Variants in ZNF629 observed in about 807,000 individuals in gnomAD.
The protein encoded by ZNF629 is zinc finger protein 629.
In ZNF629, 9 loss-of-function variants were observed where a neutral mutation model predicts 59.7. The observed-to-expected ratio is 0.15, with a 90% confidence interval of 0.09 to 0.26. The LOEUF (loss-of-function observed/expected upper bound fraction) is 0.26, where lower values mean the gene tolerates loss of function less well. Among genes scored for constraint, ZNF629 ranks in the 10% least tolerant of loss-of-function variants. The pLI, the probability that ZNF629 is intolerant of heterozygous loss-of-function variation, is 1.00. For synonymous variants in ZNF629, 509 were observed against 498.9 expected, an observed-to-expected ratio of 1.02 and a Z score of -0.27; for missense variants, 853 against 1,165.4, an observed-to-expected ratio of 0.73 and a Z score of 3.90.
rs1047696899 is a variant in ZNF629 at position 30,786,715 on chromosome 16, C to T, written c.-34+313G>A. ...GCCTGGGCATCCGCCCCTGCCCCGG[C>T]CCCCGGGGTCCCGGCTCCTTCCAGC... On this transcript the variant is annotated intron_variant, in intron 1 of 2. Coordinates refer to ENST00000262525, the MANE Select transcript of ZNF629 (RefSeq NM_001080417.3). This position sits in a 1 kb window ranked among gnomAD's most constrained non-coding sequence, Gnocchi z 4.8. Among the ~76,000 whole-genome samples the T allele has an allele frequency of 2.3e-4, 35 of 152,050 alleles. No homozygotes were observed. Among genetic ancestry groups the T allele is most frequent in the Admixed American group, 1.4e-3 (21 of 15,298 alleles).
intron 1 of ZNF629, among the ~76,000 whole-genome samples, chr16:30,785,891 T>TAAATAAATAAAA (rs1034349260): frequency 3.3e-5 from 5 of 150,078 alleles, no homozygotes; most frequent in Admixed American, 6.6e-5. Flanking sequence ...AATAAATAAA[T>TAAATAAATAAAA]AAAAACAGCC....
Position 30,781,398 on chromosome 16 carries a change from C to T in ZNF629, c.*320G>A, listed in dbSNP as rs535141805. On this transcript the variant is annotated 3_prime_UTR_variant, in exon 3 of 3. Coordinates refer to ENST00000262525, the MANE Select transcript of ZNF629 (RefSeq NM_001080417.3). ...TTCAGAGACATATTGGGACCTCTTCCTACAATTAATAGGGCTTTTATCCAC... is the reference window on the plus strand; with the variant it reads ...TTCAGAGACATATTGGGACCTCTTCTTACAATTAATAGGGCTTTTATCCAC... 18 of 212,810 alleles carry T rather than the reference C, an allele frequency of 8.5e-5. No individual in the cohort carries two copies. The highest frequency in any genetic ancestry group is 1.2e-4 in the Non-Finnish European group (13 of 108,770). 13.2% of individuals were successfully genotyped at this position (212,810 alleles called of 1,614,324 possible).
rs765241373 is a variant in ZNF629 at position 30,781,696 on chromosome 16, G to T, written c.*22C>A. On this transcript the variant is annotated 3_prime_UTR_variant, in exon 3 of 3. Coordinates refer to ENST00000262525, the MANE Select transcript of ZNF629 (RefSeq NM_001080417.3). ...AGTGTTCCTCTCTGGAGAGAGCGAGGCCCCTGGTCTCCAGACCCATTTCAC... is the reference window on the plus strand; with the variant it reads ...AGTGTTCCTCTCTGGAGAGAGCGAGTCCCCTGGTCTCCAGACCCATTTCAC... 1 of 1,578,306 alleles carries T rather than the reference G, an allele frequency of 6.3e-7. No homozygotes were observed. The highest frequency in any genetic ancestry group is 8.6e-7 in the Non-Finnish European group (1 of 1,162,988).
In ZNF629 at chr16:30,782,159, A is replaced by T; in HGVS notation, c.2169T>A (p.Phe723Leu). The T allele has an allele frequency of 6.2e-7, 1 of 1,613,450 alleles. No individual in the cohort carries two copies. The highest frequency in any genetic ancestry group is 8.5e-7 in the Non-Finnish European group (1 of 1,179,850). The change falls in exon 3 of 3, where the codon TTT (phenylalanine) becomes TTA (leucine). Residue 723 changes from phenylalanine to leucine, a missense_variant. Physicochemically the swap from Phe to Leu is conservative, Grantham distance 22. This residue lies in a region of ZNF629 where 420 missense variants were observed against 435.6 expected (regional missense o/e 0.96). Coordinates refer to ENST00000262525, the MANE Select transcript of ZNF629 (RefSeq NM_001080417.3). ...PFKCPECKQS[F>L]GLSSELLLHQ... ...GCAGCAGCAGCTCAGAGCTGAGGCC[A>T]AAGCTTTGTTTGCATTCAGGGCATT...
chr16:30,783,192 C>G lies in ZNF629; in HGVS notation c.1136G>C (p.Cys379Ser). 6.2e-7 allele frequency: 1 copy of G among 1,613,292 alleles called. No homozygotes were observed. Among genetic ancestry groups the G allele is most frequent in the Non-Finnish European group, 8.5e-7 (1 of 1,179,700 alleles). Residue 379 changes from cysteine (C) to serine (S), a missense_variant, in exon 3 of 3, where the codon TGC becomes TCC. Physicochemically the swap from Cys to Ser is moderately radical, Grantham distance 112. Coordinates refer to ENST00000262525, the MANE Select transcript of ZNF629 (RefSeq NM_001080417.3). ...GGCGCTCAGGGTGAAGGTCTTGCCGCACACTGGGCACTTGAACGGGTCCTC... is the reference window on the plus strand; with the variant it reads ...GGCGCTCAGGGTGAAGGTCTTGCCGGACACTGGGCACTTGAACGGGTCCTC... Reference protein sequence around the residue: ...LREDPFKCPVCGKTFTLSATL... With the variant: ...LREDPFKCPVSGKTFTLSATL...
At position 30,786,499 on chromosome 16, in the gene ZNF629, G is replaced by C. The variant is rs964846381; in HGVS notation, c.-34+529C>G. Among the ~76,000 whole-genome samples the C allele has an allele frequency of 2.3e-4, 35 of 152,124 alleles. No individual in the cohort carries two copies. The highest frequency in any genetic ancestry group is 8.4e-4 in the African/African-American group (35 of 41,436). ...GCCCAGGCGCCAGGCACGCCAGCCTGAGACCTCGCGATGGCCCCACTGCAG... is the reference window on the plus strand; with the variant it reads ...GCCCAGGCGCCAGGCACGCCAGCCTCAGACCTCGCGATGGCCCCACTGCAG... On this transcript the variant is annotated intron_variant, in intron 1 of 2. Coordinates refer to ENST00000262525, the MANE Select transcript of ZNF629 (RefSeq NM_001080417.3). This position sits in a 1 kb window ranked among gnomAD's most constrained non-coding sequence, Gnocchi z 4.8.
chr16:30,784,606 C>T lies in ZNF629; in HGVS notation c.-33-91G>A, dbSNP rs1596780979. 1.1e-5 allele frequency: 11 copies of T among 1,004,998 alleles called. No homozygotes were observed. The East Asian group carries it at 2.9e-4, about 27-fold the overall frequency. 62.3% of individuals were successfully genotyped at this position (1,004,998 alleles called of 1,614,324 possible). ...GAACCTCACTCCCACCCTGCCCCGC[C>T]CCATTCCTCCTTGTGTGAACTTCAG... On this transcript the variant is annotated intron_variant, in intron 1 of 2. Transcript: ENST00000262525.
In ZNF629 at chr16:30,784,433, T is replaced by C. The variant is rs1298989728; in HGVS notation, c.50A>G (p.Gln17Arg). The C allele has an allele frequency of 6.4e-7, 1 of 1,567,664 alleles. No individual in the cohort carries two copies. The highest frequency in any genetic ancestry group is 8.6e-7 in the Non-Finnish European group (1 of 1,158,542). ...ACCTCTGTGAGCATCGTTGGGGCTC[T>C]GTTCCGGACCCTGCAGATCCGGGCC... Reference protein sequence around the residue: ...LWGPDLQGPEQSPNDAHRGAE... With the variant: ...LWGPDLQGPERSPNDAHRGAE... Residue 17 changes from glutamine (Q) to arginine (R), a missense_variant, in exon 2 of 3, where the codon CAG becomes CGG. By Grantham distance (43) the Gln-to-Arg change is conservative. Around this residue, in one of 3 missense-constraint regions of ZNF629, gnomAD observed 232 missense variants for 193.4 expected, o/e 1.20. Transcript: ENST00000262525.
Position 30,779,340 on chromosome 16 carries a change from A to C in ZNF629, c.*2378T>G, listed in dbSNP as rs565302931. ...CAGATTCCTTAGGCCTGTTTTTGAG[A>C]GCATCTGCTTCTGGCTTTGCGAGAG... is the stretch of plus-strand genomic sequence containing the variant. On this transcript the variant is annotated 3_prime_UTR_variant, in exon 3 of 3. Transcript: ENST00000262525. 6.6e-6 allele frequency: 1 copy of C among 152,208 alleles called. No individual in the cohort carries two copies. The highest frequency in any genetic ancestry group is 2.4e-5 in the African/African-American group (1 of 41,512). 9.4% of individuals were successfully genotyped at this position (152,208 alleles called of 1,614,324 possible).
At position 30,782,158 on chromosome 16, in the gene ZNF629, C is replaced by T; in HGVS notation, c.2170G>A (p.Gly724Ser). Reference protein sequence around the residue: ...FKCPECKQSFGLSSELLLHQK... With the variant: ...FKCPECKQSFSLSSELLLHQK... ...TGCAGCAGCAGCTCAGAGCTGAGGC[C>T]AAAGCTTTGTTTGCATTCAGGGCAT... The change falls in exon 3 of 3, where the codon GGC (glycine) becomes AGC (serine). Residue 724 changes from glycine (G) to serine (S), a missense_variant. This residue lies in a region of ZNF629 where 420 missense variants were observed against 435.6 expected (regional missense o/e 0.96). Transcript: ENST00000262525. The T allele has an allele frequency of 6.2e-7, 1 of 1,613,430 alleles. No homozygotes were observed. The highest frequency in any genetic ancestry group is 8.5e-7 in the Non-Finnish European group (1 of 1,179,856).
Position 30,783,401 on chromosome 16 carries a change from C to T in ZNF629, c.927G>A (p.Gln309=), listed in dbSNP as rs1166805248. 6.2e-7 allele frequency: 1 copy of T among 1,613,536 alleles called. No homozygotes were observed. Among genetic ancestry groups the T allele is most frequent in the South Asian group, 1.1e-5 (1 of 91,056 alleles). ...FGQNHNLLKH[Q]KIHAGEKPYR... ...ATGGCTTCTCGCCCGCGTGGATCTT[C>T]TGGTGCTTGAGGAGGTTGTGGTTCT... Residue 309 remains glutamine, a synonymous_variant, in exon 3 of 3, where the codon CAG becomes CAA. Transcript: ENST00000262525.
At position 30,784,063 on chromosome 16, in the gene ZNF629, G is replaced by T. The variant is rs758406253; in HGVS notation, c.265C>A (p.Gln89Lys). The T allele has an allele frequency of 6.3e-7, 1 of 1,593,506 alleles. No individual in the cohort carries two copies. Among genetic ancestry groups the T allele is most frequent in the South Asian group, 1.1e-5 (1 of 89,110 alleles). ...GGGGCTGGGGGGTCCAGGGGGATCT[G>T]GTGGTCCAAGGGATTGGAGTGACCC... Reference protein sequence around the residue: ...PLGHSNPLDHQIPLDPPAPEV... With the variant: ...PLGHSNPLDHKIPLDPPAPEV... The change falls in exon 3 of 3, where the codon CAG becomes AAG. Residue 89 changes from glutamine (Q) to lysine (K), a missense_variant. By Grantham distance (53) the Gln-to-Lys change is moderately conservative (BLOSUM62 1). Transcript: ENST00000262525.
chr16:30,785,859 A>AAAATAAATAAATAAATAAAT (rs55733443), intron 1 of ZNF629, among the ~76,000 whole-genome samples: 3,193 of 140,110 alleles, frequency 0.023, 54 homozygotes, highest in Admixed American at 0.027. Context: ...GCCCCCTGGT[A>AAAATAAATAAATAAATAAAT]AAATAAATAA....
rs200956284 is a variant in ZNF629 at position 30,781,692 on chromosome 16, C to T, written c.*26G>A. ...ATCCAGTGTTCCTCTCTGGAGAGAG[C>T]GAGGCCCCTGGTCTCCAGACCCATT... On this transcript the variant is annotated 3_prime_UTR_variant, in exon 3 of 3. Coordinates refer to ENST00000262525, the MANE Select transcript of ZNF629 (RefSeq NM_001080417.3). 5.3e-5 allele frequency: 83 copies of T among 1,572,532 alleles called. 1 individual carries two copies. The African/African-American group carries it at 7.7e-4, about 15-fold the overall frequency.
rs777531133 is a variant in ZNF629 at position 30,784,113 on chromosome 16, A to G, written c.215T>C (p.Val72Ala). ...CAGTGGGGTTGGGGGGTTCTGGGGG[A>G]CAGAGGGGTCCTGGGAGGATCTCTC... The part of the protein sequence containing the change: ...SLERSSQDPS[V>A]PQNPPTPLGH... The change falls in exon 3 of 3, where the codon GTC becomes GCC. Residue 72 changes from valine (V) to alanine (A), a missense_variant. Coordinates refer to ENST00000262525, the MANE Select transcript of ZNF629 (RefSeq NM_001080417.3). 10 of 1,607,122 alleles carry G rather than the reference A, an allele frequency of 6.2e-6. No individual in the cohort carries two copies. Among genetic ancestry groups the G allele is most frequent in the Non-Finnish European group, 8.5e-6 (10 of 1,178,596 alleles).
Position 30,782,808 on chromosome 16 carries a change from G to A in ZNF629, c.1520C>T (p.Thr507Met), listed in dbSNP as rs1251462502. The A allele has an allele frequency of 1.1e-5, 17 of 1,614,082 alleles. No homozygotes were observed. The highest frequency in any genetic ancestry group is 1.4e-5 in the Non-Finnish European group (16 of 1,179,974). ...CACGAACAGGTTCTCGTCCATGTGC[G>A]TGCGGACGTGGGTAATAAGGTTGGA... is the stretch of plus-strand genomic sequence containing the variant. ...QSSNLITHVR[T>M]HMDENLFVCS... The change falls in exon 3 of 3, where the codon ACG (threonine) becomes ATG (methionine). Residue 507 changes from threonine (T) to methionine (M), a missense_variant. Transcript: ENST00000262525.
chr16:30,786,530 G>A lies in ZNF629; in HGVS notation c.-34+498C>T, dbSNP rs2054333476. Reference sequence around the variant, plus strand: ...TCGCGATGGCCCCACTGCAGAGGGAGGGAATGAGGAGCCGCCTCCCGAGAG... The same window carrying A: ...TCGCGATGGCCCCACTGCAGAGGGAAGGAATGAGGAGCCGCCTCCCGAGAG... On this transcript the variant is annotated intron_variant, in intron 1 of 2. Transcript: ENST00000262525. The surrounding 1 kb of genome is among the most constrained non-coding windows in gnomAD (Gnocchi z 4.8). Among the ~76,000 whole-genome samples, 1 of 152,174 alleles carries A rather than the reference G, an allele frequency of 6.6e-6. No individual in the cohort carries two copies. Among genetic ancestry groups the A allele is most frequent in the Non-Finnish European group, 1.5e-5 (1 of 68,016 alleles).
Position 30,782,504 on chromosome 16 carries a change from GGCT to G in ZNF629, c.1821_1823del (p.Ala608del), listed in dbSNP as rs1449873849. On this transcript the variant is annotated inframe_deletion, in exon 3 of 3. Transcript: ENST00000262525. ...GGGATCGTAACTGAGGAGGTTTGGG[GGCT>G]GCGTGTGCGATGAGGCCGTCTGCAT... The G allele has an allele frequency of 1.3e-5, 21 of 1,565,404 alleles. No homozygotes were observed. The Admixed American group carries it at 4.0e-4, about 30-fold the overall frequency.
Position 30,786,661 on chromosome 16 carries a change from C to T in ZNF629, c.-34+367G>A, listed in dbSNP as rs556468207. On this transcript the variant is annotated intron_variant, in intron 1 of 2. Coordinates refer to ENST00000262525, the MANE Select transcript of ZNF629 (RefSeq NM_001080417.3). This position sits in a 1 kb window ranked among gnomAD's most constrained non-coding sequence, Gnocchi z 4.8. ...CTCCGGACTTCTGCTCCCCCGGAGC[C>T]GCGACCCCCGTCCCGCTGCTGATAC... Among the ~76,000 whole-genome samples, 5 of 151,274 alleles carry T rather than the reference C, an allele frequency of 3.3e-5. No homozygotes were observed. In the South Asian group the frequency reaches 1.0e-3, roughly 32 times the overall value.
Sources: gnomAD v4.1 joint callset for allele counts (sites outside exome capture counted in the v4.1 genomes callset) on GRCh38, gnomAD v4.1.1 for gene constraint, gnomAD v4.1.1 regional missense constraint, Gnocchi (gnomAD v3.1) non-coding constraint, MANE v1.5 for transcripts, NCBI Gene and HGNC (gene_info 2026-07-23, HGNC 2026-07-21) for gene names.